DAB1: variants seen among roughly 807,000 people sequenced by gnomAD.
DAB1 encodes DAB adaptor protein 1.
Under a neutral mutation model 64.6 loss-of-function variants are expected in DAB1, and 15 were observed. The observed-to-expected ratio is 0.23, with a 90% CI of 0.16 to 0.36. The LOEUF is 0.36. DAB1 is among the 10% of genes least tolerant of loss of function. The probability of loss-of-function intolerance (pLI) is 1.00; values close to 1 mark genes in which losing one functional copy is unlikely to be tolerated. For missense variants in DAB1, 596 were observed against 706.7 expected, an observed-to-expected ratio of 0.84 and a Z score of 1.78; for synonymous variants, 235 against 251.9, an observed-to-expected ratio of 0.93 and a Z score of 0.64.
intron 7 of DAB1, among the ~76,000 whole-genome samples, chr1:57,533,942 C>A (rs1644695465): frequency 6.6e-6 from 1 of 152,078 alleles, no homozygotes; most frequent in East Asian, 1.9e-4. Context: ...ATTGTAAATA[C>A]TGAAGACACT....
At chr1:57,228,454 C>T (rs1667431965) in intron 2 of DAB1, among the ~76,000 whole-genome samples, 2 of 151,830 alleles carry the variant, frequency 1.3e-5, no homozygotes, top group Non-Finnish European at 2.9e-5. Flanking sequence ...CCTGAATGAC[C>T]AATAAACATG....
intron 1 of DAB1, among the ~76,000 whole-genome samples, chr1:57,376,449 G>C (rs1368290387): frequency 6.6e-6 from 1 of 152,190 alleles, no homozygotes; most frequent in African/African-American, 2.4e-5. Flanking sequence ...TTACCACTAG[G>C]AGATTAATAA....
At chr1:57,708,924 T>C (rs1646997177) in intron 6 of DAB1, among the ~76,000 whole-genome samples, 1 of 152,040 alleles carries the variant, frequency 6.6e-6, no homozygotes, top group Non-Finnish European at 1.5e-5. Context: ...TACGAAGGTG[T>C]TTTCTTGCAT....
chr1:57,871,400 T>C (rs1223221550), intron 1 of DAB1, among the ~76,000 whole-genome samples: 1 of 152,192 alleles, frequency 6.6e-6, no homozygotes, highest in Non-Finnish European at 1.5e-5. Flanking sequence ...GTACCCATTT[T>C]ACAAATGGGA....
chr1:57,021,311 A>T (rs1646610900), intron 11 of DAB1, among the ~76,000 whole-genome samples: 1 of 152,158 alleles, frequency 6.6e-6, no homozygotes, highest in African/African-American at 2.4e-5. Flanking sequence ...CAAGTCCCTA[A>T]TCTGGTACAG....
At chr1:57,278,110 A>G (rs1187814642) in intron 2 of DAB1, among the ~76,000 whole-genome samples, 2 of 152,202 alleles carry the variant, frequency 1.3e-5, no homozygotes, top group Non-Finnish European at 2.9e-5. Flanking sequence ...GTTTTATTTG[A>G]TGGTCTCTGC....
chr1:58,368,509 C>T (rs1374623800), intron 3 of DAB1, among the ~76,000 whole-genome samples: 2 of 152,118 alleles, frequency 1.3e-5, no homozygotes, highest in African/African-American at 4.8e-5. Flanking sequence ...ATCACAGTAG[C>T]AGAGACTCTT....
chr1:58,327,992 C>T (rs541356159), intron 4 of DAB1, among the ~76,000 whole-genome samples: 96 of 152,310 alleles, frequency 6.3e-4, no homozygotes, highest in Non-Finnish European at 1.1e-3. Flanking sequence ...ATTCCATAGG[C>T]CTGTCCCCTG....
At chr1:58,459,136 A>T (rs1645219456) in intron 3 of DAB1, among the ~76,000 whole-genome samples, 1 of 152,254 alleles carries the variant, frequency 6.6e-6, no homozygotes, top group Non-Finnish European at 1.5e-5. Context: ...GGAAAAGTTA[A>T]GAAGACAAAA....
At chr1:58,287,634 C>T (rs965278611) in intron 4 of DAB1, among the ~76,000 whole-genome samples, 1 of 152,154 alleles carries the variant, frequency 6.6e-6, no homozygotes, top group Non-Finnish European at 1.5e-5. Flanking sequence ...TCAGGAGATG[C>T]AAGGCTTTGA....
chr1:57,772,636 A>G (rs1649614278), intron 6 of DAB1, among the ~76,000 whole-genome samples: 1 of 152,146 alleles, frequency 6.6e-6, no homozygotes, highest in African/African-American at 2.4e-5. Context: ...CACTCCCACC[A>G]ACAATGCATG....
At chr1:58,545,901 C>A (rs905567) in intron 1 of DAB1, among the ~76,000 whole-genome samples, 98,773 of 152,062 alleles carry the variant, frequency 0.65, 34,176 homozygotes, top group East Asian at 0.94. Flanking sequence ...GGTTCTTAAG[C>A]TTCCAAATGT....
At chr1:57,799,066 C>T (rs1651003498) in intron 6 of DAB1, among the ~76,000 whole-genome samples, 1 of 152,204 alleles carries the variant, frequency 6.6e-6, no homozygotes, top group Non-Finnish European at 1.5e-5. Context: ...CTGTTAAATA[C>T]TAGCTGTGTG....
intron 9 of DAB1, among the ~76,000 whole-genome samples, chr1:57,032,487 C>T (rs1646995026): frequency 6.6e-6 from 1 of 152,166 alleles, no homozygotes; most frequent in Non-Finnish European, 1.5e-5. Flanking sequence ...CCCACACATC[C>T]TTCAGGACGC....
chr1:57,778,669 C>T (rs760525574), intron 6 of DAB1, among the ~76,000 whole-genome samples: 6 of 152,042 alleles, frequency 3.9e-5, no homozygotes, highest in Non-Finnish European at 8.8e-5. Flanking sequence ...CTAGTTCTTC[C>T]ATTCGCCATC....
intron 4 of DAB1, among the ~76,000 whole-genome samples, chr1:58,213,452 C>T (rs1044084276): frequency 4.6e-5 from 7 of 152,106 alleles, no homozygotes; most frequent in African/African-American, 7.2e-5. Flanking sequence ...CCTACAATCA[C>T]AGTGGAAGGC....
At chr1:57,564,414 C>T (rs2101515281) in intron 7 of DAB1, among the ~76,000 whole-genome samples, 1 of 152,268 alleles carries the variant, frequency 6.6e-6, no homozygotes, top group African/African-American at 2.4e-5. Flanking sequence ...CCCTCGCCAG[C>T]AACAGAACAA....
At chr1:58,348,762 G>A (rs1435397576) in intron 3 of DAB1, among the ~76,000 whole-genome samples, 2 of 152,030 alleles carry the variant, frequency 1.3e-5, no homozygotes, top group South Asian at 2.1e-4. Flanking sequence ...AAGTTTTTTT[G>A]GCACATGAAA....
chr1:57,201,688 ATAGTAT>A (rs1234771997), intron 2 of DAB1, among the ~76,000 whole-genome samples: 1 of 152,190 alleles, frequency 6.6e-6, no homozygotes, highest in African/African-American at 2.4e-5. Context: ...CTAGTGGAAC[ATAGTAT>A]TTTCTCCCAA....
Sources: gnomAD v4.1 joint callset for allele counts (sites outside exome capture counted in the v4.1 genomes callset) on GRCh38, gnomAD v4.1.1 for gene constraint, MANE v1.5 for transcripts, NCBI Gene and HGNC (gene_info 2026-07-23, HGNC 2026-07-21) for gene names.